Variants in BNIP5 observed in about 807,000 individuals in gnomAD.
BNIP5 encodes the protein protein BNIP5.
A neutral mutation model predicts 67.3 loss-of-function variants in BNIP5; 61 were observed. The ratio of observed to expected loss-of-function variants is 0.91; its 90% CI spans 0.74 to 1.12. The LOEUF (loss-of-function observed/expected upper bound fraction) is 1.12. Ranked by LOEUF, BNIP5 falls within the 50% of genes most tolerant of loss-of-function variation. The pLI is 0.00. For synonymous variants in BNIP5, 317 were observed against 319.0 expected (o/e 0.99, Z 0.07); for missense variants, 826 against 816.3 (o/e 1.01, Z -0.14).
rs1165627942 is a variant in BNIP5 at position 36,330,789 on chromosome 6, A to C, written c.-4-95T>G. 8 of 1,446,432 alleles carry C rather than the reference A, an allele frequency of 5.5e-6. No homozygotes were observed. In the East Asian group the frequency reaches 1.2e-4, roughly 22 times the overall value. The allele number at this position is 1,446,432 out of a possible 1,614,324, so 89.6% of individuals were successfully genotyped here. ...TGTTTGTTTTTGTTTTTTATGACGG[A>C]GCCTCGGTCTATTGCCCAGGCTGGA... On this transcript the variant is annotated intron_variant, in intron 1 of 11. Transcript: ENST00000437635.
chr6:36,319,626 A>G lies in BNIP5; in HGVS notation c.1669-16T>C. Reference sequence around the variant, plus strand: ...GGCGCCTGATCTGGAAGTGGAAATGAAAACAGGTCATTAGTGTTGCTGGCA... The same window carrying G: ...GGCGCCTGATCTGGAAGTGGAAATGGAAACAGGTCATTAGTGTTGCTGGCA... On this transcript the variant is annotated splice_polypyrimidine_tract_variant and intron_variant, in intron 10 of 11. Transcript: ENST00000437635. 6.2e-7 allele frequency: 1 copy of G among 1,606,394 alleles called. No homozygotes were observed.
chr6:36,322,731 C>T (rs1405278019), intron 8 of BNIP5, among the ~76,000 whole-genome samples: 4 of 152,218 alleles, frequency 2.6e-5, no homozygotes, highest in South Asian at 4.1e-4. Flanking sequence ...GCCAGGTTTT[C>T]TGGGTCACTT....
At chr6:36,336,451 G>A (rs1772018378) in intron 1 of BNIP5, among the ~76,000 whole-genome samples, 1 of 152,182 alleles carries the variant, frequency 6.6e-6, no homozygotes, top group Admixed American at 6.5e-5. Context: ...TGAATACAGA[G>A]TTTTAAGTCC....
At chr6:36,329,682 G>C (rs1256092194) in intron 2 of BNIP5, among the ~76,000 whole-genome samples, 1 of 152,042 alleles carries the variant, frequency 6.6e-6, no homozygotes, top group Non-Finnish European at 1.5e-5. Flanking sequence ...CGTGGTGGTG[G>C]GCACCTGTAG....
intron 1 of BNIP5, among the ~76,000 whole-genome samples, chr6:36,331,294 G>A (rs1771900984): frequency 6.6e-6 from 1 of 152,208 alleles, no homozygotes; most frequent in Admixed American, 6.5e-5. Context: ...GGGCTGGTCA[G>A]CCGCACCTCC....
intron 8 of BNIP5, 72 bp from the exon 9 acceptor site, chr6:36,322,514 A>G: frequency 6.6e-7 from 1 of 1,519,472 alleles, no homozygotes; most frequent in Non-Finnish European, 8.9e-7. Flanking sequence ...AGCTGTTCGG[A>G]GGCACAGGCA....
chr6:36,335,133 C>T (rs1248871059), intron 1 of BNIP5, among the ~76,000 whole-genome samples: 3 of 152,198 alleles, frequency 2.0e-5, no homozygotes, highest in South Asian at 2.1e-4. Context: ...GACCCTGGAA[C>T]GGGAAGTTTG....
intron 9 of BNIP5, 69 bp downstream of exon 9, chr6:36,322,240 CAG>C: frequency 6.3e-7 from 1 of 1,584,244 alleles, no homozygotes; most frequent in Non-Finnish European, 8.7e-7. Context: ...ATCCCCTATT[CAG>C]CCTGTGAACT....
At position 36,330,620 on chromosome 6, in the gene BNIP5, G is replaced by C. The variant is rs1423852186; in HGVS notation, c.71C>G (p.Ala24Gly). 6.2e-7 allele frequency: 1 copy of C among 1,609,172 alleles called. No individual in the cohort carries two copies. Among genetic ancestry groups the C allele is most frequent in the East Asian group, 2.2e-5 (1 of 44,866 alleles). The change falls in exon 2 of 12, where the codon GCC (alanine) becomes GGC (glycine). Residue 24 changes from alanine to glycine, a missense_variant. Transcript: ENST00000437635. ...CCACGACTCCGAGCCTTTCCCGGGG[G>C]CCTGCGGCCTGTCCAGAGACCTGGC... ...KKARSLDRPQ[A>G]PGKGSESWDC...
At position 36,319,424 on chromosome 6, in the gene BNIP5, T is replaced by C; in HGVS notation, c.1855A>G (p.Met619Val). Residue 619 changes from methionine to valine, a missense_variant, in exon 11 of 12, where the codon ATG becomes GTG. Met to Val is a conservative substitution (Grantham distance 21). Coordinates refer to ENST00000437635, the MANE Select transcript of BNIP5 (RefSeq NM_001010903.5). Reference sequence around the variant, plus strand: ...TCTCTTAGGCCCATGAGGATGCACATGGCATGGCTGTTGCTGCCAGCAAAT... The same window carrying C: ...TCTCTTAGGCCCATGAGGATGCACACGGCATGGCTGTTGCTGCCAGCAAAT... ...NKFAGSNSHAMCILMGLRDHY... is the reference protein window; with the variant it reads ...NKFAGSNSHAVCILMGLRDHY... 6.2e-7 allele frequency: 1 copy of C among 1,614,182 alleles called. No individual in the cohort carries two copies. Among genetic ancestry groups the C allele is most frequent in the Middle Eastern group, 1.7e-4 (1 of 6,060 alleles).
In BNIP5 at chr6:36,330,193, G is replaced by A. The variant is rs370566657; in HGVS notation, c.498C>T (p.Ala166=). 1.2e-5 allele frequency: 19 copies of A among 1,613,938 alleles called. No individual in the cohort carries two copies. The highest frequency in any genetic ancestry group is 1.6e-4 in the Middle Eastern group (1 of 6,082). ...RKKQGHKKHA[A]EVTKAAQDQE... is the part of the protein sequence containing the mutation. ...GGTCTTGAGCTGCCTTAGTCACCTC[G>A]GCCGCGTGTTTCTTGTGACCTTGCT... is the stretch of plus-strand genomic sequence containing the variant. The change falls in exon 2 of 12, where the codon GCC becomes GCT. Residue 166 remains alanine, a synonymous_variant. Coordinates refer to ENST00000437635, the MANE Select transcript of BNIP5 (RefSeq NM_001010903.5).
Position 36,328,639 on chromosome 6 carries a change from G to T in BNIP5, c.686C>A (p.Ala229Asp), listed in dbSNP as rs1230032354. The T allele has an allele frequency of 5.0e-6, 8 of 1,613,856 alleles. No homozygotes were observed. The highest frequency in any genetic ancestry group is 6.8e-6 in the Non-Finnish European group (8 of 1,179,866). ...CTCCTCTTCTTGCTGATGACCTGTG[G>T]CATGGGGAGAAACATCCAAAGCTCC... ...GTGALDVSPHATGHQQEEELK... is the reference protein window; with the variant it reads ...GTGALDVSPHDTGHQQEEELK... The change falls in exon 3 of 12, where the codon GCC becomes GAC. Residue 229 changes from alanine to aspartate, a missense_variant. Physicochemically the swap from Ala to Asp is moderately radical, Grantham distance 126 (BLOSUM62 -2). Transcript: ENST00000437635.
chr6:36,316,523 T>C lies in BNIP5; in HGVS notation c.*833A>G, dbSNP rs546693397. The C allele has an allele frequency of 1.3e-5, 5 of 398,676 alleles. No homozygotes were observed. The highest frequency in any genetic ancestry group is 1.1e-4 in the East Asian group (3 of 28,088). 24.7% of individuals were successfully genotyped at this position (398,676 alleles called of 1,614,324 possible). A position where few individuals can be genotyped will look rare whatever the true frequency, so the allele number is the denominator to read the frequency against. On this transcript the variant is annotated 3_prime_UTR_variant, in exon 12 of 12. Coordinates refer to ENST00000437635, the MANE Select transcript of BNIP5 (RefSeq NM_001010903.5). Reference sequence around the variant, plus strand: ...GACATGAATAGTACCTCCTGGAGTATGGTGCTCTTGAGCAGTGCACCCCTG... The same window carrying C: ...GACATGAATAGTACCTCCTGGAGTACGGTGCTCTTGAGCAGTGCACCCCTG...
At chr6:36,324,000 CAA>C (rs35557075) in intron 7 of BNIP5, 127 bp downstream of exon 7, 14,396 of 576,020 alleles carry the variant, frequency 0.025, no homozygotes, top group South Asian at 0.041. Flanking sequence ...ACTCCGTCTC[CAA>C]AAAAAAAAAA....
At chr6:36,334,302 G>A (rs1771969032) in intron 1 of BNIP5, among the ~76,000 whole-genome samples, 2 of 152,242 alleles carry the variant, frequency 1.3e-5, no homozygotes, top group Non-Finnish European at 2.9e-5. Flanking sequence ...GCTGAGCCCA[G>A]AGGCAGGCAG....
intron 8 of BNIP5, among the ~76,000 whole-genome samples, chr6:36,323,011 C>A (rs769378231): frequency 2.0e-5 from 3 of 152,220 alleles, no homozygotes; most frequent in Non-Finnish European, 4.4e-5. Flanking sequence ...CGGCACGGAT[C>A]TCCCATCACA....
At chr6:36,333,618 C>G (rs1771950371) in intron 1 of BNIP5, among the ~76,000 whole-genome samples, 1 of 152,190 alleles carries the variant, frequency 6.6e-6, no homozygotes, top group Non-Finnish European at 1.5e-5. Flanking sequence ...GTGTGTGCCC[C>G]CAGAGGGAAT....
At chr6:36,326,874 C>G in intron 4 of BNIP5, 121 bp from the exon 5 acceptor site, 1 of 1,485,220 alleles carries the variant, frequency 6.7e-7, no homozygotes, top group Non-Finnish European at 9.3e-7. Flanking sequence ...GGCAGCAGAG[C>G]CCAGAGCAGG....
rs768120233 is a variant in BNIP5 at position 36,330,268 on chromosome 6, C to T, written c.423G>A (p.Glu141=). ...QHPEPLEAAG[E]PALRKKAHHD... ...GGTGGGCTTTCTTCCTGAGGGCTGG[C>T]TCCCCTGCTGCTTCCAGGGGCTCCG... The change falls in exon 2 of 12, where the codon GAG becomes GAA. Residue 141 remains glutamate, a synonymous_variant. Coordinates refer to ENST00000437635, the MANE Select transcript of BNIP5 (RefSeq NM_001010903.5). 3.7e-6 allele frequency: 6 copies of T among 1,614,178 alleles called. No individual in the cohort carries two copies. Among genetic ancestry groups the T allele is most frequent in the South Asian group, 2.2e-5 (2 of 91,084 alleles).
Sources: gnomAD v4.1 joint callset for allele counts (sites outside exome capture counted in the v4.1 genomes callset) on GRCh38, gnomAD v4.1.1 for gene constraint, MANE v1.5 for transcripts, NCBI Gene and HGNC (gene_info 2026-07-23, HGNC 2026-07-21) for gene names.